GBE1: variants seen among roughly 807,000 people sequenced by gnomAD.
The protein encoded by GBE1 is 1,4-alpha-glucan branching enzyme 1.
GBE1 carries 70 observed loss-of-function variants against 88.8 expected under a neutral mutation model. The observed-to-expected ratio is 0.79, with a 90% CI of 0.65 to 0.96. The LOEUF (loss-of-function observed/expected upper bound fraction) is 0.96, where lower values mean the gene tolerates loss of function less well. Ranked by LOEUF, GBE1 falls within the 40% of genes least tolerant of loss-of-function variation. GBE1 has a pLI of 0.00. For missense variants in GBE1, 872 were observed against 871.0 expected, an observed-to-expected ratio of 1.00 and a Z score of -0.01; for synonymous variants, 284 against 300.1, an observed-to-expected ratio of 0.95 and a Z score of 0.56.
Position 81,578,084 on chromosome 3 carries a change from C to T in GBE1, c.1459G>A (p.Asp487Asn). ...ATCAACCAAAATGCCAGCGACTTATCCCCAACCAATGCCTACAGAAATAAA... is the reference window on the plus strand; with the variant it reads ...ATCAACCAAAATGCCAGCGACTTATTCCCAACCAATGCCTACAGAAATAAA... The part of the protein sequence containing the change: ...AESHDQALVG[D>N]KSLAFWLMDA... The change falls in exon 12 of 16, where the codon GAT becomes AAT. Residue 487 changes from aspartate (D) to asparagine (N), a missense_variant. By Grantham distance (23) the Asp-to-Asn change is conservative. Coordinates refer to ENST00000429644, the MANE Select transcript of GBE1 (RefSeq NM_000158.4). 6.2e-7 allele frequency: 1 copy of T among 1,600,584 alleles called. No individual in the cohort carries two copies. Among genetic ancestry groups the T allele is most frequent in the Non-Finnish European group, 8.5e-7 (1 of 1,173,318 alleles).
chr3:81,630,998 G>A (rs1235467140), intron 7 of GBE1, among the ~76,000 whole-genome samples: 4 of 152,008 alleles, frequency 2.6e-5, no homozygotes, highest in Non-Finnish European at 5.9e-5. Flanking sequence ...AGCTCTGGAG[G>A]TGGAGACCAG....
At chr3:81,522,136 A>C (rs1221857258) in intron 14 of GBE1, among the ~76,000 whole-genome samples, 1 of 151,438 alleles carries the variant, frequency 6.6e-6, no homozygotes, top group East Asian at 1.9e-4. Flanking sequence ...GAAACTAGCC[A>C]TATCTGGTCT....
At chr3:81,566,364 G>T (rs929206707) in intron 12 of GBE1, among the ~76,000 whole-genome samples, 1 of 152,118 alleles carries the variant, frequency 6.6e-6, no homozygotes, top group Non-Finnish European at 1.5e-5. Flanking sequence ...TGATTCCAAT[G>T]TACAGACCAT....
chr3:81,561,721 G>A (rs538434646), intron 12 of GBE1, among the ~76,000 whole-genome samples: 2 of 152,120 alleles, frequency 1.3e-5, no homozygotes, highest in African/African-American at 4.8e-5. Context: ...ATCTGACCAT[G>A]CCAATCTCCT....
intron 2 of GBE1, among the ~76,000 whole-genome samples, chr3:81,684,544 C>T (rs1403197035): frequency 6.6e-6 from 1 of 152,138 alleles, no homozygotes; most frequent in African/African-American, 2.4e-5. Context: ...TAATCCCATT[C>T]ATGAGGGCTC....
At chr3:81,642,151 T>A (rs919696301) in intron 7 of GBE1, among the ~76,000 whole-genome samples, 3 of 151,900 alleles carry the variant, frequency 2.0e-5, no homozygotes, top group African/African-American at 7.3e-5. Flanking sequence ...AGGTCAGAGA[T>A]CTGTCTGATC....
chr3:81,677,084 A>T (rs1412033313), intron 2 of GBE1, among the ~76,000 whole-genome samples: 1 of 152,192 alleles, frequency 6.6e-6, no homozygotes, highest in Non-Finnish European at 1.5e-5. Context: ...ACAGTGGAGC[A>T]CTACTCTTCA....
At position 81,535,246 on chromosome 3, in the gene GBE1, T is replaced by C. The variant is rs137852891; in HGVS notation, c.1883A>G (p.His628Arg). 15 of 1,611,390 alleles carry C rather than the reference T, an allele frequency of 9.3e-6. No individual in the cohort carries two copies. The highest frequency in any genetic ancestry group is 1.2e-5 in the Non-Finnish European group (14 of 1,178,696). Residue 628 changes from histidine to arginine, a missense_variant, in exon 14 of 16, where the codon CAT becomes CGT. Transcript: ENST00000429644. ...RAGLLFIFNFHPSKSYTDYRV... is the reference protein window; with the variant it reads ...RAGLLFIFNFRPSKSYTDYRV... ...GTAGTCAGTGTAGCTCTTGCTTGGA[T>C]GGAAGTTGAAAATGAAAAGAAGACC...
At chr3:81,507,397 T>C (rs866897543) in intron 14 of GBE1, among the ~76,000 whole-genome samples, 12 of 152,152 alleles carry the variant, frequency 7.9e-5, no homozygotes, top group African/African-American at 2.9e-4. Flanking sequence ...ACCCTGTCTC[T>C]ACTAAAAATA....
At chr3:81,514,105 A>C (rs1438087588) in intron 14 of GBE1, among the ~76,000 whole-genome samples, 1 of 151,686 alleles carries the variant, frequency 6.6e-6, no homozygotes, top group East Asian at 1.9e-4. Context: ...AAATAATGCT[A>C]CTACAGGAGA....
intron 12 of GBE1, 51 bp downstream of exon 12, chr3:81,577,874 A>G (rs1317018289): frequency 7.1e-7 from 1 of 1,417,962 alleles, no homozygotes; most frequent in African/African-American, 1.5e-5. Flanking sequence ...TTATGTCATT[A>G]TAAGTTAACA....
At chr3:81,679,701 C>T (rs886931545) in intron 2 of GBE1, among the ~76,000 whole-genome samples, 6 of 152,108 alleles carry the variant, frequency 3.9e-5, no homozygotes, top group Non-Finnish European at 7.4e-5. Context: ...CTCTCCAATG[C>T]TATTGTTGCT....
At chr3:81,621,512 A>G (rs2107014006) in intron 7 of GBE1, among the ~76,000 whole-genome samples, 1 of 152,256 alleles carries the variant, frequency 6.6e-6, no homozygotes. Flanking sequence ...GTCTCCTTAT[A>G]AGGCTGTTCC....
chr3:81,597,637 C>T (rs1703978015), intron 7 of GBE1, among the ~76,000 whole-genome samples: 1 of 151,170 alleles, frequency 6.6e-6, no homozygotes, highest in South Asian at 2.1e-4. Flanking sequence ...AATTGATTAG[C>T]ACACTCCCAA....
At chr3:81,654,545 T>A (rs1454578931) in intron 3 of GBE1, 1 of 152,174 alleles carries the variant, frequency 6.6e-6, no homozygotes, top group Non-Finnish European at 1.5e-5. Flanking sequence ...TGAAGGAAAG[T>A]GTAGCAGGCT....
chr3:81,668,882 C>T (rs915348284), intron 3 of GBE1, among the ~76,000 whole-genome samples: 4 of 152,144 alleles, frequency 2.6e-5, no homozygotes, highest in Admixed American at 6.5e-5. Context: ...TGGACTGTGT[C>T]CTAGCTCTTA....
In GBE1 at chr3:81,586,150, T is replaced by G; in HGVS notation, c.1277A>C (p.Gln426Pro). The change falls in exon 10 of 16, where the codon CAG (glutamine) becomes CCG (proline). Residue 426 changes from glutamine to proline, a missense_variant. Gln to Pro is a moderately conservative substitution (Grantham distance 76). Coordinates refer to ENST00000429644, the MANE Select transcript of GBE1 (RefSeq NM_000158.4). The stretch of plus-strand genomic sequence containing the variant: ...TCGATAGTCAAAACCACCCCCTCCC[T>G]GGGAAATTGGAGAGCACAGAGCTGG... ...GMPALCSPIS[Q>P]GGGGFDYRLA... The G allele has an allele frequency of 6.2e-7, 1 of 1,609,286 alleles. No homozygotes were observed. Among genetic ancestry groups the G allele is most frequent in the Non-Finnish European group, 8.5e-7 (1 of 1,178,184 alleles).
intron 2 of GBE1, among the ~76,000 whole-genome samples, chr3:81,690,835 CTTTA>C (rs1705509417): frequency 6.6e-6 from 1 of 151,836 alleles, no homozygotes; most frequent in African/African-American, 2.4e-5. Flanking sequence ...TTATGATTCC[CTTTA>C]TTGTCTTGCT....
chr3:81,636,406 ATATTCT>A (rs1704592086), intron 7 of GBE1, among the ~76,000 whole-genome samples: 1 of 152,212 alleles, frequency 6.6e-6, no homozygotes, highest in Non-Finnish European at 1.5e-5. Flanking sequence ...TGAGATTATA[ATATTCT>A]TAGTGAAGAA....
Sources: allele counts gnomAD v4.1 joint callset (sites outside exome capture counted in the v4.1 genomes callset), GRCh38; gene constraint gnomAD v4.1.1; transcripts MANE v1.5; gene names NCBI Gene and HGNC (gene_info 2026-07-23, HGNC 2026-07-21).